The following BNC2 variants were observed in gnomAD, a reference collection of about 807,000 sequenced individuals.
The protein encoded by BNC2 is zinc finger protein basonuclin-2.
A neutral mutation model predicts 76.3 loss-of-function variants in BNC2; 20 were observed. The ratio of observed to expected loss-of-function variants is 0.26; its 90% confidence interval spans 0.18 to 0.38. The LOEUF (loss-of-function observed/expected upper bound fraction) is 0.38, where lower values mean the gene tolerates loss of function less well. Among genes scored for constraint, BNC2 ranks in the 10% least tolerant of loss-of-function variants. BNC2 has a pLI of 1.00. For synonymous variants in BNC2, 582 were observed against 514.8 expected, an observed-to-expected ratio of 1.13 and a Z score of -1.77; for missense variants, 1,382 against 1,399.8, an observed-to-expected ratio of 0.99 and a Z score of 0.20.
rs185066539 is a variant in BNC2 at position 16,418,242 on chromosome 9, C to T, written c.*747G>A. The stretch of plus-strand genomic sequence containing the variant: ...AGATCTGTGCTGTAAAGCATGCCAG[C>T]ACCTCTTTAGCACTATATCTAACAG... On this transcript the variant is annotated 3_prime_UTR_variant, in exon 7 of 7. Transcript: ENST00000380672. 7 of 152,774 alleles carry T rather than the reference C, an allele frequency of 4.6e-5. No individual in the cohort carries two copies. The East Asian group carries it at 1.3e-3, about 29-fold the overall frequency. 9.5% of individuals were successfully genotyped at this position (152,774 alleles called of 1,614,324 possible). A position where few individuals can be genotyped will look rare whatever the true frequency, so the allele number is the denominator to read the frequency against.
intron 3 of BNC2, among the ~76,000 whole-genome samples, chr9:16,624,676 A>G (rs1820945257): frequency 6.6e-6 from 1 of 152,240 alleles, no homozygotes; most frequent in South Asian, 2.1e-4. Flanking sequence ...GTAGAAAGTT[A>G]CATCAGTGGT....
At chr9:16,727,671 C>T in intron 3 of BNC2, 126 bp downstream of exon 3, 1 of 783,744 alleles carries the variant, frequency 1.3e-6, no homozygotes, top group Non-Finnish European at 2.0e-6. Context: ...AAACAAGAGC[C>T]TAACTAGGAA....
chr9:16,482,327 A>G (rs62540632), intron 5 of BNC2, among the ~76,000 whole-genome samples: 13,589 of 152,210 alleles, frequency 0.089, 774 homozygotes, highest in African/African-American at 0.15. Context: ...TAATTTATAA[A>G]TAAATCAAAT....
intron 5 of BNC2, among the ~76,000 whole-genome samples, chr9:16,459,455 T>TCGAAGG (rs1265532445): frequency 6.6e-6 from 1 of 152,142 alleles, no homozygotes; most frequent in East Asian, 1.9e-4. Context: ...TGGGTGGGAT[T>TCGAAGG]CGAAGGCTCT....
intron 4 of BNC2, among the ~76,000 whole-genome samples, chr9:16,575,789 C>T (rs1250813464): frequency 1.3e-5 from 2 of 152,134 alleles, no homozygotes; most frequent in Non-Finnish European, 2.9e-5. Flanking sequence ...GGACTTTGCT[C>T]ATGGAGAGAC....
chr9:16,539,892 C>G (rs545025861), intron 5 of BNC2, among the ~76,000 whole-genome samples: 1 of 151,272 alleles, frequency 6.6e-6, no homozygotes, highest in East Asian at 1.9e-4. Flanking sequence ...AAATCTGTGA[C>G]CTAATTGGAA....
At chr9:16,653,214 T>C (rs1196337847) in intron 3 of BNC2, among the ~76,000 whole-genome samples, 1 of 152,156 alleles carries the variant, frequency 6.6e-6, no homozygotes, top group African/African-American at 2.4e-5. Flanking sequence ...GTTAAACAAC[T>C]TTTAAAATAA....
At chr9:16,686,387 A>C (rs139116347) in intron 3 of BNC2, among the ~76,000 whole-genome samples, 175 of 152,252 alleles carry the variant, frequency 1.1e-3, no homozygotes, top group African/African-American at 4.0e-3. Flanking sequence ...TGCTTATTTC[A>C]TTTCAGATTT....
intron 5 of BNC2, among the ~76,000 whole-genome samples, chr9:16,526,645 G>T (rs1310594639): frequency 6.6e-6 from 1 of 151,756 alleles, no homozygotes; most frequent in African/African-American, 2.4e-5. Flanking sequence ...CTGAACCCCT[G>T]GTGCCAGCAC....
chr9:16,657,597 C>G (rs1019052730), intron 3 of BNC2, among the ~76,000 whole-genome samples: 3 of 152,180 alleles, frequency 2.0e-5, no homozygotes, highest in Admixed American at 1.3e-4. Flanking sequence ...AGAGGTGTGA[C>G]TTGGCCATCA....
At chr9:16,535,565 C>T (rs1420094541) in intron 5 of BNC2, among the ~76,000 whole-genome samples, 1 of 152,042 alleles carries the variant, frequency 6.6e-6, no homozygotes, top group Non-Finnish European at 1.5e-5. Flanking sequence ...TCTTAAATGC[C>T]AGCCTTATGT....
chr9:16,481,337 G>A (rs1433782073), intron 5 of BNC2, among the ~76,000 whole-genome samples: 2 of 152,066 alleles, frequency 1.3e-5, no homozygotes, highest in Admixed American at 6.5e-5. Flanking sequence ...CTTCCACATC[G>A]TGGAAGCTTT....
intron 5 of BNC2, among the ~76,000 whole-genome samples, chr9:16,529,999 C>G (rs749802879): frequency 3.9e-4 from 60 of 152,042 alleles, no homozygotes; most frequent in Non-Finnish European, 6.6e-4. Context: ...AGGTACGGAC[C>G]ACCATGCCCA....
chr9:16,844,155 T>TA (rs893130897), intron 1 of BNC2, among the ~76,000 whole-genome samples: 8 of 151,436 alleles, frequency 5.3e-5, no homozygotes, highest in East Asian at 2.0e-4. Context: ...TTTTTTTTTT[T>TA]ACGTTACAAA....
intron 3 of BNC2, among the ~76,000 whole-genome samples, chr9:16,650,006 C>T (rs1821746953): frequency 1.3e-5 from 2 of 152,176 alleles, no homozygotes; most frequent in Admixed American, 1.3e-4. Context: ...CGAAGAGGTT[C>T]ATCCAATCTG....
At chr9:16,781,833 G>A (rs1352501586) in intron 1 of BNC2, among the ~76,000 whole-genome samples, 1 of 151,910 alleles carries the variant, frequency 6.6e-6, no homozygotes, top group Admixed American at 6.6e-5. Flanking sequence ...AACACAATGT[G>A]CTTTTTATGT....
intron 2 of BNC2, among the ~76,000 whole-genome samples, chr9:16,735,395 T>TAAAAAAAAAAAAA (rs1563920096): frequency 5.0e-4 from 2 of 3,978 alleles, no homozygotes; most frequent in African/African-American, 1.6e-3. Context: ...TTAAATGAAT[T>TAAAAAAAAAAAAA]TAAAAAAAAA....
chr9:16,870,474 A>G (rs71513271), intron 1 of BNC2, among the ~76,000 whole-genome samples, 172 bp downstream of exon 1: 26,340 of 151,908 alleles, frequency 0.17, 3,232 homozygotes, highest in South Asian at 0.36. Flanking sequence ...AGCGGGGATC[A>G]GGTCGGACCG....
chr9:16,855,859 A>AT (rs2136181600), intron 1 of BNC2, among the ~76,000 whole-genome samples: 2 of 151,708 alleles, frequency 1.3e-5, no homozygotes, highest in East Asian at 3.9e-4. Context: ...CATCTTTTTT[A>AT]TTTTTACCAA....
Sources: gnomAD v4.1 joint callset for allele counts (sites outside exome capture counted in the v4.1 genomes callset) on GRCh38, gnomAD v4.1.1 for gene constraint, MANE v1.5 for transcripts, NCBI Gene and HGNC (gene_info 2026-07-23, HGNC 2026-07-21) for gene names.